Variants in DNAH11 observed in about 807,000 individuals in gnomAD.
The protein encoded by DNAH11 is dynein axonemal heavy chain 11.
DNAH11 carries 442 observed loss-of-function variants against 526.0 expected under a neutral mutation model. The observed-to-expected ratio is 0.84, with a 90% CI of 0.78 to 0.91. DNAH11 has a LOEUF of 0.91. Ranked by LOEUF, DNAH11 falls within the 40% of genes least tolerant of loss-of-function variation. The probability of loss-of-function intolerance (pLI) is 0.00; values close to 1 mark genes in which losing one functional copy is unlikely to be tolerated. For missense variants in DNAH11, 6,989 were observed against 5,448.7 expected, an observed-to-expected ratio of 1.28 and a Z score of -8.90; for synonymous variants, 2,461 against 1,935.9, an observed-to-expected ratio of 1.27 and a Z score of -7.12.
At chr7:21,793,487 G>A (rs1312949857) in intron 61 of DNAH11, among the ~76,000 whole-genome samples, 6 of 152,052 alleles carry the variant, frequency 3.9e-5, no homozygotes, top group East Asian at 1.9e-4. Context: ...GTGGTGGCAC[G>A]CCCTTGTAGT....
At chr7:21,644,088 T>C (rs563118481) in intron 28 of DNAH11, among the ~76,000 whole-genome samples, 1 of 152,336 alleles carries the variant, frequency 6.6e-6, no homozygotes, top group East Asian at 1.9e-4. Context: ...AACTTGTCTT[T>C]GGAGAAATCC....
chr7:21,803,748 G>A (rs1333063658), intron 62 of DNAH11, among the ~76,000 whole-genome samples: 1 of 151,034 alleles, frequency 6.6e-6, no homozygotes, highest in African/African-American at 2.5e-5. Flanking sequence ...GGACAATGGG[G>A]CTGTCATCAT....
At chr7:21,720,888 T>G (rs1307186914) in intron 44 of DNAH11, 32 bp downstream of exon 44, 2 of 1,603,484 alleles carry the variant, frequency 1.2e-6, no homozygotes, top group South Asian at 1.1e-5. Context: ...AGGACCAGTT[T>G]CCAGTTTTGT....
intron 65 of DNAH11, among the ~76,000 whole-genome samples, chr7:21,827,516 ATAT>A (rs1790356777): frequency 1.3e-5 from 2 of 151,814 alleles, no homozygotes. Flanking sequence ...GTATATACAT[ATAT>A]TATTAAAAGA....
At chr7:21,546,768 A>G (rs1375984629) in intron 2 of DNAH11, among the ~76,000 whole-genome samples, 1 of 152,228 alleles carries the variant, frequency 6.6e-6, no homozygotes, top group Non-Finnish European at 1.5e-5. Flanking sequence ...CATAAAGAAA[A>G]TGTCATTTGG....
intron 8 of DNAH11, among the ~76,000 whole-genome samples, chr7:21,576,967 G>C (rs907240240): frequency 7.2e-5 from 11 of 152,004 alleles, no homozygotes; most frequent in Non-Finnish European, 1.5e-4. Context: ...AAAAACACTG[G>C]CCATTATATA....
At chr7:21,697,008 A>T (rs955267650) in intron 35 of DNAH11, among the ~76,000 whole-genome samples, 1 of 152,162 alleles carries the variant, frequency 6.6e-6, no homozygotes, top group African/African-American at 2.4e-5. Context: ...GTGAAAAAAT[A>T]TGGGGTTAGT....
intron 32 of DNAH11, among the ~76,000 whole-genome samples, chr7:21,684,974 T>C (rs1783309406): frequency 6.6e-6 from 1 of 152,190 alleles, no homozygotes; most frequent in Non-Finnish European, 1.5e-5. Flanking sequence ...CAATTTCAAA[T>C]ATAAGTCTAT....
At chr7:21,677,178 C>A (rs4722046) in intron 30 of DNAH11, among the ~76,000 whole-genome samples, 9 of 149,860 alleles carry the variant, frequency 6.0e-5, no homozygotes, top group Non-Finnish European at 1.2e-4. Flanking sequence ...CTGTGATTCA[C>A]TTTACTGTGC....
At chr7:21,832,026 C>CT (rs1343042963) in intron 65 of DNAH11, among the ~76,000 whole-genome samples, 2 of 151,854 alleles carry the variant, frequency 1.3e-5, no homozygotes, top group Non-Finnish European at 2.9e-5. Context: ...GGAGGCAGAG[C>CT]TTGCAGTGTG....
rs1316959640 is a variant in DNAH11, at chr7:21,559,738, A to G, written c.828A>G (p.Ala276=). Residue 276 remains alanine, a synonymous_variant, in exon 4 of 82, where the codon GCA becomes GCG. Coordinates refer to ENST00000409508, the MANE Select transcript of DNAH11 (RefSeq NM_001277115.2). ...ATGGTCTTCACTTGTCTCCTCAAGC[A>G]GAACTAGATTTCTGGATGATGAGGA... ...LLNGLHLSPQ[A]ELDFWMMRRE... The G allele has an allele frequency of 3.1e-6, 5 of 1,609,072 alleles. No individual in the cohort carries two copies. Among genetic ancestry groups the G allele is most frequent in the Non-Finnish European group, 4.2e-6 (5 of 1,177,440 alleles).
chr7:21,637,566 A>C, intron 26 of DNAH11, 45 bp from the exon 27 acceptor site: 1 of 1,219,106 alleles, frequency 8.2e-7, no homozygotes, highest in South Asian at 1.3e-5. Flanking sequence ...AAGTTTAGAA[A>C]AGATTGTTCT....
chr7:21,634,231 C>T (rs1031576689), intron 25 of DNAH11, among the ~76,000 whole-genome samples: 2 of 152,116 alleles, frequency 1.3e-5, no homozygotes, highest in African/African-American at 2.4e-5. Flanking sequence ...GAGGTTCAGC[C>T]AAGAGCTGGT....
chr7:21,763,028 C>T (rs1345723035), intron 54 of DNAH11, among the ~76,000 whole-genome samples: 1 of 152,126 alleles, frequency 6.6e-6, no homozygotes, highest in East Asian at 1.9e-4. Flanking sequence ...GGGCAAAGGA[C>T]TTACGTAGAC....
intron 20 of DNAH11, among the ~76,000 whole-genome samples, chr7:21,608,942 T>C (rs1308429228): frequency 6.6e-6 from 1 of 152,218 alleles, no homozygotes; most frequent in Non-Finnish European, 1.5e-5. Flanking sequence ...ACATGTCTAA[T>C]GTAAATCTAG....
In DNAH11 at chr7:21,873,378, T is replaced by C; in HGVS notation, c.12072T>C (p.Ser4024=). 2 of 1,613,954 alleles carry C rather than the reference T, an allele frequency of 1.2e-6. No homozygotes were observed. Among genetic ancestry groups the C allele is most frequent in the Non-Finnish European group, 1.7e-6 (2 of 1,179,850 alleles). The change falls in exon 74 of 82, where the codon TCT becomes TCC. Residue 4024 remains serine (S), a synonymous_variant. Coordinates refer to ENST00000409508, the MANE Select transcript of DNAH11 (RefSeq NM_001277115.2). ...ACAGGGTTTTCATGAGTGCTGAGTC[T>C]GCACCTACACCAGATGAGCATATCA... ...RDYRVFMSAE[S]APTPDEHIIP... is the part of the protein sequence containing the mutation.
At chr7:21,631,195 A>G (rs1786587328) in intron 25 of DNAH11, among the ~76,000 whole-genome samples, 1 of 152,168 alleles carries the variant, frequency 6.6e-6, no homozygotes, top group Admixed American at 6.5e-5. Flanking sequence ...CAGTCACGAG[A>G]ACAGCATGGG....
At position 21,704,422 on chromosome 7, in the gene DNAH11, T is replaced by G. The variant is rs892545518; in HGVS notation, c.6274-12T>G. The G allele has an allele frequency of 5.0e-6, 8 of 1,601,830 alleles. No homozygotes were observed. Among genetic ancestry groups the G allele is most frequent in the Non-Finnish European group, 6.0e-6 (7 of 1,174,514 alleles). ...TTGTATTGGCTTTTTTATAAAATGTTTTTTTTTCTAGGTACTCATGAGAGC... is the reference window on the plus strand; with the variant it reads ...TTGTATTGGCTTTTTTATAAAATGTGTTTTTTTCTAGGTACTCATGAGAGC... On this transcript the variant is annotated splice_polypyrimidine_tract_variant and intron_variant, in intron 37 of 81. Transcript: ENST00000409508.
intron 45 of DNAH11, among the ~76,000 whole-genome samples, chr7:21,735,037 G>T (rs1308749673): frequency 6.6e-6 from 1 of 151,638 alleles, no homozygotes; most frequent in African/African-American, 2.4e-5. Context: ...GGGCGTGGTG[G>T]TGCACACCTG....
Sources: gnomAD v4.1 joint callset for allele counts (sites outside exome capture counted in the v4.1 genomes callset) on GRCh38, gnomAD v4.1.1 for gene constraint, MANE v1.5 for transcripts, NCBI Gene and HGNC (gene_info 2026-07-23, HGNC 2026-07-21) for gene names.